The following DNAH2 variants were observed in gnomAD, a reference collection of about 807,000 sequenced individuals.
DNAH2 encodes axonemal beta dynein heavy chain 2.
In DNAH2, 323 loss-of-function variants were observed where a neutral mutation model predicts 523.5. That is an observed-to-expected ratio of 0.62 (90% CI 0.56 to 0.68). The LOEUF (loss-of-function observed/expected upper bound fraction) is 0.68. DNAH2 is among the 30% of genes least tolerant of loss of function. The pLI is 0.00. For synonymous variants in DNAH2, 2,093 were observed against 2,177.4 expected, an observed-to-expected ratio of 0.96 and a Z score of 1.08; for missense variants, 4,907 against 5,701.5, an observed-to-expected ratio of 0.86 and a Z score of 4.49.
At chr17:7,742,629 T>C (rs1337356551) in intron 11 of DNAH2, among the ~76,000 whole-genome samples, 8 of 152,212 alleles carry the variant, frequency 5.3e-5, no homozygotes, top group Non-Finnish European at 1.2e-4. Flanking sequence ...TTGTGCCTCA[T>C]ATCCTGCTCC....
In DNAH2 at chr17:7,796,670, C is replaced by T. The variant is rs752005882; in HGVS notation, c.7863+18C>T. ...TCTCCAAGGTGACTCGCGGCCTGAC[C>T]TTGCCCCTTCTGCTTGGCCCAGCCT... On this transcript the variant is annotated intron_variant, in intron 50 of 85. Transcript: ENST00000572933. 1.9e-6 allele frequency: 3 copies of T among 1,601,616 alleles called. No homozygotes were observed. Among genetic ancestry groups the T allele is most frequent in the Non-Finnish European group, 2.6e-6 (3 of 1,174,070 alleles).
At chr17:7,791,266 T>C (rs958896921) in intron 44 of DNAH2, among the ~76,000 whole-genome samples, 13 of 151,948 alleles carry the variant, frequency 8.6e-5, no homozygotes, top group African/African-American at 3.1e-4. Context: ...AGATGGGGTT[T>C]CTCCATGTTG....
Position 7,767,767 on chromosome 17 carries a change from A to G in DNAH2, c.3676-133A>G. 4.4e-6 allele frequency: 5 copies of G among 1,147,996 alleles called. No homozygotes were observed. In the South Asian group the frequency reaches 8.0e-5, roughly 18 times the overall value. 71.1% of individuals were successfully genotyped at this position (1,147,996 alleles called of 1,614,324 possible). On this transcript the variant is annotated intron_variant, in intron 22 of 85. Transcript: ENST00000572933. ...TTAAGGCAACAGAGTGGAGAAAAAT[A>G]TGTGGACTGAGGAGGCCGCTGTATT...
At chr17:7,757,053 G>A (rs758892640) in intron 12 of DNAH2, 38 bp from the exon 13 acceptor site, 3 of 1,612,134 alleles carry the variant, frequency 1.9e-6, no homozygotes, top group Non-Finnish European at 2.5e-6. Context: ...TTATCCCCTC[G>A]TGCGGTCCCC....
chr17:7,819,727 G>C (rs2077800685), intron 72 of DNAH2, among the ~76,000 whole-genome samples: 2 of 152,196 alleles, frequency 1.3e-5, no homozygotes, highest in South Asian at 4.1e-4. Flanking sequence ...CTGCAGGTCT[G>C]GGGTGGGGCC....
At chr17:7,730,380 A>T (rs1390600816) in intron 4 of DNAH2, among the ~76,000 whole-genome samples, 2 of 152,236 alleles carry the variant, frequency 1.3e-5, no homozygotes, top group East Asian at 1.9e-4. Context: ...GATACGAAAG[A>T]CTAACATAGA....
In DNAH2 at chr17:7,832,698, C is replaced by T; in HGVS notation, c.12846C>T (p.Phe4282=). ...RPPVIFWLSG[F]TFPTGFLTAV... ...CTGTGATCTTCTGGTTGTCTGGTTT[C>T]ACCTTTCCCACTGGCTTCCTCACTG... The change falls in exon 83 of 86, where the codon TTC becomes TTT. Residue 4282 remains phenylalanine, a synonymous_variant. Coordinates refer to ENST00000572933, the MANE Select transcript of DNAH2 (RefSeq NM_020877.5). The surrounding 1 kb of genome is among the most constrained non-coding windows in gnomAD (Gnocchi z 4.3). 1 of 1,614,140 alleles carries T rather than the reference C, an allele frequency of 6.2e-7. No homozygotes were observed.
intron 77 of DNAH2, among the ~76,000 whole-genome samples, chr17:7,825,053 A>G (rs2077981648): frequency 6.6e-6 from 1 of 152,220 alleles, no homozygotes; most frequent in South Asian, 2.1e-4. Flanking sequence ...GAAAGAGTAA[A>G]TAAGTATTCC....
Position 7,781,065 on chromosome 17 carries a change from T to G in DNAH2, c.6027T>G (p.Asp2009Glu), listed in dbSNP as rs1176738687. 11 of 1,614,224 alleles carry G rather than the reference T, an allele frequency of 6.8e-6. No homozygotes were observed. Among genetic ancestry groups the G allele is most frequent in the Non-Finnish European group, 9.3e-6 (11 of 1,180,050 alleles). The change falls in exon 39 of 86, where the codon GAT (aspartate) becomes GAG (glutamate). Residue 2009 changes from aspartate (D) to glutamate (E), a missense_variant. By Grantham distance (45) the Asp-to-Glu change is conservative. Transcript: ENST00000572933. ...DEEVLLLSMR[D>E]MNIAKLTSVD... ...AGGTTCTGCTGCTCTCAATGAGAGA[T>G]ATGAACATCGCCAAGCTCACTTCAG...
At chr17:7,723,728 C>G (rs773249389) in intron 3 of DNAH2, 39 bp downstream of exon 3, 5 of 1,570,988 alleles carry the variant, frequency 3.2e-6, no homozygotes, top group Middle Eastern at 1.7e-4. Context: ...ATTCCTCCCC[C>G]AAAACTGGTG....
At chr17:7,743,564 G>A (rs2075422451) in intron 12 of DNAH2, 2 of 574,468 alleles carry the variant, frequency 3.5e-6, no homozygotes, top group African/African-American at 1.9e-5. Context: ...TACTTGGGAG[G>A]GTGAGGTGGG....
Position 7,781,088 on chromosome 17 carries a change from C to G in DNAH2, c.6050C>G (p.Ser2017Ter). The change falls in exon 39 of 86, where the codon TCA becomes TGA. Residue 2017 changes from serine (S) to a stop codon, truncating the protein, a stop_gained. Transcript: ENST00000572933. LOFTEE classifies it high-confidence loss of function. ...MRDMNIAKLT[S>*]VDAPLFNAIV... ...GATATGAACATCGCCAAGCTCACTT[C>G]AGTTGATGCACCCCTGTTCAATGCC... is the stretch of plus-strand genomic sequence containing the variant. The G allele has an allele frequency of 6.2e-7, 1 of 1,614,260 alleles. No individual in the cohort carries two copies. The highest frequency in any genetic ancestry group is 8.5e-7 in the Non-Finnish European group (1 of 1,180,052).
chr17:7,787,295 C>T lies in DNAH2; in HGVS notation c.6603+262C>T, dbSNP rs777301190. 3.1e-5 allele frequency: 17 copies of T among 540,614 alleles called. 1 individual carries two copies. The highest frequency in any genetic ancestry group is 1.6e-4 in the Admixed American group (5 of 30,440). 33.5% of individuals were successfully genotyped at this position (540,614 alleles called of 1,614,324 possible). A position where few individuals can be genotyped will look rare whatever the true frequency, so the allele number is the denominator to read the frequency against. ...GGCGGCCCTCCTCGGCTCGTTCTCA[C>T]GGATGCATGAGGCAGGACCCTCGTT... On this transcript the variant is annotated intron_variant, in intron 42 of 85. Transcript: ENST00000572933.
At chr17:7,736,937 G>A (rs1233177405) in intron 7 of DNAH2, 130 bp from the exon 8 acceptor site, 15 of 785,814 alleles carry the variant, frequency 1.9e-5, no homozygotes, top group South Asian at 1.8e-4. Context: ...AGCTGAGATC[G>A]CGCCATTGCA....
chr17:7,787,159 G>A, intron 42 of DNAH2, 126 bp downstream of exon 42: 2 of 1,228,002 alleles, frequency 1.6e-6, no homozygotes, highest in Non-Finnish European at 2.2e-6. Flanking sequence ...CTGAAAGGTG[G>A]ATGCCTGGAT....
At chr17:7,750,511 G>A (rs940186920) in intron 12 of DNAH2, among the ~76,000 whole-genome samples, 2 of 152,116 alleles carry the variant, frequency 1.3e-5, no homozygotes, top group African/African-American at 4.8e-5. Flanking sequence ...TGGTGCAGGG[G>A]AGGTAAATCT....
rs200729625 is a variant in DNAH2 at position 7,818,987 on chromosome 17, A to C, written c.10739A>C (p.Lys3580Thr). 1 of 1,611,666 alleles carries C rather than the reference A, an allele frequency of 6.2e-7. No homozygotes were observed. The highest frequency in any genetic ancestry group is 2.2e-5 in the East Asian group (1 of 44,876). ...VQLVNTLHTS[K>T]ITATEVTEQL... ...CTGGTGAACACGCTGCATACCTCCA[A>C]GATCACAGCCACAGAGGTGACTGAG... Residue 3580 changes from lysine (K) to threonine (T), a missense_variant, in exon 71 of 86, where the codon AAG becomes ACG. By Grantham distance (78) the Lys-to-Thr change is moderately conservative. Around this residue, in one of 3 missense-constraint regions of DNAH2, gnomAD observed 1,851 missense variants for 2,139.4 expected, o/e 0.87. Coordinates refer to ENST00000572933, the MANE Select transcript of DNAH2 (RefSeq NM_020877.5).
In DNAH2 at chr17:7,821,141, TC is replaced by T; in HGVS notation, c.11016-100del. The T allele has an allele frequency of 6.8e-7, 1 of 1,473,510 alleles. No individual in the cohort carries two copies. The highest frequency in any genetic ancestry group is 1.4e-5 in the African/African-American group (1 of 71,512). 91.3% of individuals were successfully genotyped at this position (1,473,510 alleles called of 1,614,324 possible). ...AGGTTAGGATTAGAGGCTGGTGAGG[TC>T]CTCTGTGTGAAGCTGTGTGATAGTA... On this transcript the variant is annotated intron_variant, in intron 72 of 85. Transcript: ENST00000572933. This position sits in a 1 kb window ranked among gnomAD's most constrained non-coding sequence, Gnocchi z 5.0.
In DNAH2 at chr17:7,807,109, C is replaced by T. The variant is rs985979198; in HGVS notation, c.9443-41C>T. The T allele has an allele frequency of 6.3e-7, 1 of 1,588,370 alleles. No homozygotes were observed. Among genetic ancestry groups the T allele is most frequent in the Non-Finnish European group, 8.5e-7 (1 of 1,173,274 alleles). ...TGAAACTGCTGGACAAGGAGGATGG[C>T]ATTAAGCCTCTGGCTAAGGCCCCTA... On this transcript the variant is annotated intron_variant, in intron 61 of 85. Coordinates refer to ENST00000572933, the MANE Select transcript of DNAH2 (RefSeq NM_020877.5). This position sits in a 1 kb window ranked among gnomAD's most constrained non-coding sequence, Gnocchi z 5.6.
Sources: gnomAD v4.1 joint callset for allele counts (sites outside exome capture counted in the v4.1 genomes callset) on GRCh38, gnomAD v4.1.1 for gene constraint, gnomAD v4.1.1 regional missense constraint, Gnocchi (gnomAD v3.1) non-coding constraint, MANE v1.5 for transcripts, NCBI Gene and HGNC (gene_info 2026-07-23, HGNC 2026-07-21) for gene names.